MAP7D2: variants seen among roughly 807,000 people sequenced by gnomAD.
The protein encoded by MAP7D2 is MAP7 domain-containing protein 2.
MAP7D2 carries 33 observed loss-of-function variants against 63.5 expected under a neutral mutation model. The ratio of observed to expected loss-of-function variants is 0.52; its 90% CI spans 0.39 to 0.70. The LOEUF (loss-of-function observed/expected upper bound fraction) is 0.70. Among genes scored for constraint, MAP7D2 ranks in the 30% least tolerant of loss-of-function variants. MAP7D2 has a pLI of 0.00. For missense variants in MAP7D2, 626 were observed against 604.0 expected (o/e 1.04, Z -0.38); for synonymous variants, 224 against 223.7 (o/e 1.00, Z -0.01).
chrX:20,108,995 T>C (rs1280046872), intron 1 of MAP7D2, among the ~76,000 whole-genome samples: 10 of 110,278 alleles, frequency 9.1e-5, no homozygotes, highest in Non-Finnish European at 1.9e-5. Flanking sequence ...TATCTTCCTC[T>C]AAGCATTTTA....
intron 1 of MAP7D2, among the ~76,000 whole-genome samples, chrX:20,097,560 G>A (rs1221992762): frequency 8.9e-6 from 1 of 112,248 alleles, no homozygotes; most frequent in Non-Finnish European, 1.9e-5. Flanking sequence ...AAAAATGAAC[G>A]CTACTGTCAG....
At chrX:20,093,147 G>C (rs966079797) in intron 1 of MAP7D2, among the ~76,000 whole-genome samples, 2 of 111,759 alleles carry the variant, frequency 1.8e-5, no homozygotes, top group Non-Finnish European at 3.8e-5. Context: ...GGGTGTTCGA[G>C]GGCTCAAACA....
intron 8 of MAP7D2, among the ~76,000 whole-genome samples, chrX:20,035,500 T>C (rs970118005): frequency 4.5e-5 from 5 of 111,965 alleles, no homozygotes; most frequent in African/African-American, 1.6e-4. Context: ...AAATTTTTTT[T>C]CTCTAAATTA....
intron 1 of MAP7D2, among the ~76,000 whole-genome samples, chrX:20,110,810 C>T (rs777849654): frequency 2.8e-4 from 31 of 111,005 alleles, no homozygotes; most frequent in South Asian, 3.8e-4. Flanking sequence ...TACCAAGGAA[C>T]GACTGTACTT....
intron 6 of MAP7D2, among the ~76,000 whole-genome samples, chrX:20,049,586 T>C (rs1027256471): frequency 5.4e-5 from 6 of 112,005 alleles, no homozygotes; most frequent in African/African-American, 9.7e-5. Flanking sequence ...TTTCTTTTTA[T>C]AGCTGAATAA....
At position 20,010,750 on chromosome X, in the gene MAP7D2, A is replaced by C. The variant is rs768077856; in HGVS notation, c.*26+27T>G. 1.3e-4 allele frequency: 153 copies of C among 1,145,993 alleles called. No individual in the cohort carries two copies. The South Asian group carries it at 2.8e-3, about 21-fold the overall frequency. 94.4% of individuals were successfully genotyped at this position (1,145,993 alleles called of 1,213,427 possible). A position where few individuals can be genotyped will look rare whatever the true frequency, so the allele number is the denominator to read the frequency against. On this transcript the variant is annotated intron_variant, in intron 16 of 16. Coordinates refer to ENST00000379643, the MANE Select transcript of MAP7D2 (RefSeq NM_001168465.2). Reference sequence around the variant, plus strand: ...ACAAACCCCAGTTAAAGGGTTATGAAGTTAGAATATAATCAAAAGACTGTA... The same window carrying C: ...ACAAACCCCAGTTAAAGGGTTATGACGTTAGAATATAATCAAAAGACTGTA...
chrX:20,064,806 C>G lies in MAP7D2; in HGVS notation c.131-1G>C. Reference sequence around the variant, plus strand: ...TCTGATTTCAAAAATCCCTCCATGCCTACAAAGGAGAAAACTAGATTATGT... The same window carrying G: ...TCTGATTTCAAAAATCCCTCCATGCGTACAAAGGAGAAAACTAGATTATGT... On this transcript the variant is annotated splice_acceptor_variant, in intron 1 of 16. Transcript: ENST00000379643. LOFTEE classifies it high-confidence loss of function. 8.3e-7 allele frequency: 1 copy of G among 1,202,586 alleles called. No individual in the cohort carries two copies. The highest frequency in any genetic ancestry group is 1.1e-6 in the Non-Finnish European group (1 of 887,330).
chrX:20,010,586 G>A (rs1423830565), intron 16 of MAP7D2, among the ~76,000 whole-genome samples, 191 bp downstream of exon 16: 4 of 111,965 alleles, frequency 3.6e-5, no homozygotes, highest in East Asian at 2.8e-4. Context: ...GCGGCTCGGC[G>A]CTGAAGGCTC....
intron 4 of MAP7D2, among the ~76,000 whole-genome samples, chrX:20,054,723 A>C (rs949708337): frequency 9.9e-5 from 11 of 111,453 alleles, no homozygotes; most frequent in Non-Finnish European, 5.7e-5. Flanking sequence ...CTGGGGCTCC[A>C]GGCACCCGCC....
intron 1 of MAP7D2, among the ~76,000 whole-genome samples, chrX:20,113,120 C>T (rs2066792084): frequency 8.9e-6 from 1 of 111,741 alleles, no homozygotes; most frequent in African/African-American, 3.3e-5. Flanking sequence ...AAGTCCTATG[C>T]TGCCATCAGT....
At chrX:20,091,288 G>C (rs947828951) in intron 1 of MAP7D2, among the ~76,000 whole-genome samples, 1 of 105,722 alleles carries the variant, frequency 9.5e-6, no homozygotes, top group East Asian at 3.2e-4. Context: ...CCTGACTTCA[G>C]GTGATCCACC....
In MAP7D2 at chrX:20,056,917, G is replaced by C; in HGVS notation, c.373-126C>G. ...TTCTGTGCTCAGCATCCAAAACCCAGGCATACGTGCTCTCTCTGCCACACC... is the reference window on the plus strand; with the variant it reads ...TTCTGTGCTCAGCATCCAAAACCCACGCATACGTGCTCTCTCTGCCACACC... On this transcript the variant is annotated intron_variant, in intron 3 of 16. Transcript: ENST00000379643. The C allele has an allele frequency of 2.0e-5, 11 of 549,805 alleles. 1 individual carries two copies. In the South Asian group the frequency reaches 3.2e-4, roughly 16 times the overall value. The allele number at this position is 549,805 out of a possible 1,213,427, so 45.3% of individuals were successfully genotyped here.
chrX:20,008,502 G>A (rs1385661405), intron 16 of MAP7D2, 104 bp from the exon 17 acceptor site: 2 of 112,270 alleles, frequency 1.8e-5, no homozygotes, highest in East Asian at 2.8e-4. Flanking sequence ...ACACACTGTG[G>A]CACTTTCTAC....
At chrX:20,018,123 T>A (rs1275556378) in intron 10 of MAP7D2, among the ~76,000 whole-genome samples, 3 of 110,389 alleles carry the variant, frequency 2.7e-5, no homozygotes, top group African/African-American at 9.9e-5. Flanking sequence ...TGCGCCACCA[T>A]GTCTGGCTAA....
Position 20,075,961 on chromosome X carries a change from C to T in MAP7D2, c.131-11156G>A, listed in dbSNP as rs140265225. On this transcript the variant is annotated intron_variant, in intron 1 of 16. Transcript: ENST00000379643. ...TCTTGCAATAGCTTAATAACTCTTC[C>T]GAGCATTTTTTTGGGTGGGGGAGGG... Among the ~76,000 whole-genome samples the T allele has an allele frequency of 1.1e-4, 12 of 110,542 alleles. No individual in the cohort carries two copies. The East Asian group carries it at 3.2e-3, about 29-fold the overall frequency.
At chrX:20,046,579 A>G (rs2064804601) in intron 6 of MAP7D2, among the ~76,000 whole-genome samples, 1 of 112,411 alleles carries the variant, frequency 8.9e-6, no homozygotes, top group Admixed American at 9.4e-5. Context: ...CAGTAAAGCA[A>G]TTTGTTAAAT....
At chrX:20,100,747 C>T (rs753985144) in intron 1 of MAP7D2, among the ~76,000 whole-genome samples, 36 of 111,284 alleles carry the variant, frequency 3.2e-4, no homozygotes, top group Admixed American at 2.9e-4. Context: ...GACAACCGGG[C>T]GTGGTGGCTC....
intron 16 of MAP7D2, 61 bp downstream of exon 16, chrX:20,010,716 C>T: frequency 9.9e-7 from 1 of 1,013,585 alleles, no homozygotes; most frequent in Non-Finnish European, 1.3e-6. Context: ...TGATATACAT[C>T]CTATCTTCAC....
chrX:20,044,229 A>T, intron 7 of MAP7D2, 135 bp downstream of exon 7: 1 of 694,011 alleles, frequency 1.4e-6, no homozygotes, highest in Non-Finnish European at 2.1e-6. Context: ...TTTTGAACTA[A>T]ATCTACCCTT....
Sources: gnomAD v4.1 joint callset for allele counts (sites outside exome capture counted in the v4.1 genomes callset) on GRCh38, gnomAD v4.1.1 for gene constraint, MANE v1.5 for transcripts, NCBI Gene and HGNC (gene_info 2026-07-23, HGNC 2026-07-21) for gene names.